The following IGF2BP2 variants were observed in gnomAD, a reference collection of about 807,000 sequenced individuals.
IGF2BP2 encodes insulin like growth factor 2 mRNA binding protein 2, also known as insulin-like growth factor 2 mRNA-binding protein 2.
A neutral mutation model predicts 75.8 loss-of-function variants in IGF2BP2; 17 were observed. The observed-to-expected ratio is 0.22, with a 90% confidence interval of 0.15 to 0.34. IGF2BP2 has a LOEUF of 0.34. Ranked by LOEUF, IGF2BP2 falls within the 10% of genes least tolerant of loss-of-function variation. The probability of loss-of-function intolerance (pLI) is 1.00; values close to 1 mark genes in which losing one functional copy is unlikely to be tolerated. For missense variants in IGF2BP2, 516 were observed against 772.4 expected, an observed-to-expected ratio of 0.67 and a Z score of 3.93; for synonymous variants, 288 against 295.6, an observed-to-expected ratio of 0.97 and a Z score of 0.26.
intron 10 of IGF2BP2, among the ~76,000 whole-genome samples, chr3:185,659,657 T>G (rs1424703308): frequency 6.6e-6 from 1 of 151,920 alleles, no homozygotes; most frequent in Non-Finnish European, 1.5e-5. Context: ...ATTATAAGTG[T>G]GAGCCACTGC....
At chr3:185,799,194 G>C (rs1026683459) in intron 2 of IGF2BP2, among the ~76,000 whole-genome samples, 2 of 151,700 alleles carry the variant, frequency 1.3e-5, no homozygotes, top group Non-Finnish European at 2.9e-5. Context: ...GAGCCCAGGA[G>C]TATGAGACCA....
In IGF2BP2 at chr3:185,645,460, G is replaced by A. The variant is rs753664690; in HGVS notation, c.*71C>T. 11 of 1,091,896 alleles carry A rather than the reference G, an allele frequency of 1.0e-5. No homozygotes were observed. Among genetic ancestry groups the A allele is most frequent in the African/African-American group, 4.6e-5 (3 of 64,806 alleles). 67.6% of individuals were successfully genotyped at this position (1,091,896 alleles called of 1,614,324 possible). On this transcript the variant is annotated 3_prime_UTR_variant, in exon 16 of 16. Transcript: ENST00000382199. This position sits in a 1 kb window ranked among gnomAD's most constrained non-coding sequence, Gnocchi z 4.9. ...GTTTGCTCCCGATCTGGCTGGCTGC[G>A]TTTGGTCTCATTCTGTCAGGTGTTG... is the stretch of plus-strand genomic sequence containing the variant.
intron 2 of IGF2BP2, among the ~76,000 whole-genome samples, chr3:185,786,755 G>T (rs750922009): frequency 2.0e-5 from 3 of 152,068 alleles, no homozygotes; most frequent in Admixed American, 2.0e-4. Context: ...CTTAAGATAC[G>T]TGGAAACCTA....
At chr3:185,762,439 A>G (rs376477441) in intron 2 of IGF2BP2, among the ~76,000 whole-genome samples, 198 of 150,028 alleles carry the variant, frequency 1.3e-3, no homozygotes, top group Non-Finnish European at 2.4e-3. Flanking sequence ...AGGCTGAGGC[A>G]GGAGAATCGC....
In IGF2BP2 at chr3:185,823,162, T is replaced by TTAGAGACTG; in HGVS notation, c.221_229dup (p.Ser76_Lys77insThrValSer). On this transcript the variant is annotated inframe_insertion, in exon 2 of 16. Transcript: ENST00000382199. ...AGCAAAGTATATTTACCTTAGCTTT[T>TTAGAGACTG]TAGAGACTGAGTAATCAACTTCCAT... 6.2e-7 allele frequency: 1 copy of TTAGAGACTG among 1,605,672 alleles called. No homozygotes were observed. Among genetic ancestry groups the TTAGAGACTG allele is most frequent in the Non-Finnish European group, 8.5e-7 (1 of 1,176,132 alleles).
intron 2 of IGF2BP2, among the ~76,000 whole-genome samples, chr3:185,743,845 C>T (rs1271497844): frequency 6.6e-6 from 1 of 152,176 alleles, no homozygotes; most frequent in Non-Finnish European, 1.5e-5. Flanking sequence ...CCTCCTTCCA[C>T]CACACGCAAC....
chr3:185,788,767 C>T (rs961638174), intron 2 of IGF2BP2, among the ~76,000 whole-genome samples: 8 of 136,972 alleles, frequency 5.8e-5, no homozygotes, highest in East Asian at 2.2e-4. Context: ...CAGGCTGGAG[C>T]GCAGTGGCGC....
chr3:185,665,302 GAGA>G (rs1350937060), intron 10 of IGF2BP2, among the ~76,000 whole-genome samples: 1 of 119,792 alleles, frequency 8.3e-6, no homozygotes, highest in African/African-American at 3.2e-5. Flanking sequence ...GGAGGAGAAG[GAGA>G]AGGAGCAGAA....
chr3:185,721,997 G>A (rs981632472), intron 2 of IGF2BP2: 2 of 264,698 alleles, frequency 7.6e-6, no homozygotes, highest in Admixed American at 1.0e-4. Flanking sequence ...ACTTTCAGGT[G>A]GCAAGTACTT....
At chr3:185,721,497 G>C (rs1726539639) in intron 2 of IGF2BP2, among the ~76,000 whole-genome samples, 1 of 151,964 alleles carries the variant, frequency 6.6e-6, no homozygotes, top group Non-Finnish European at 1.5e-5. Flanking sequence ...CACTGCACCA[G>C]GCCCACTCTT....
Position 185,671,546 on chromosome 3 carries a change from A to AG in IGF2BP2, c.1200+994_1200+995insC, listed in dbSNP as rs1384049971. Among the ~76,000 whole-genome samples the AG allele has an allele frequency of 4.0e-5, 6 of 151,884 alleles. No individual in the cohort carries two copies. In the South Asian group the frequency reaches 6.3e-4, roughly 16 times the overall value. The stretch of plus-strand genomic sequence containing the variant: ...GCAAGACTCCATCTCAAAAAAAAAA[A>AG]AAAAAGAAAAAGAAAAAGAAAAGAT... On this transcript the variant is annotated intron_variant, in intron 10 of 15. Coordinates refer to ENST00000382199, the MANE Select transcript of IGF2BP2 (RefSeq NM_006548.6).
intron 7 of IGF2BP2, among the ~76,000 whole-genome samples, chr3:185,684,158 A>G (rs1218535289): frequency 6.6e-6 from 1 of 152,210 alleles, no homozygotes; most frequent in African/African-American, 2.4e-5. Flanking sequence ...TTCCTGGCAC[A>G]TAGAATAGTG....
At chr3:185,676,730 A>ATT in intron 7 of IGF2BP2, among the ~76,000 whole-genome samples, 1 of 137,524 alleles carries the variant, frequency 7.3e-6, no homozygotes, top group African/African-American at 2.7e-5. Context: ...ATATATGGAG[A>ATT]TGTATATATA....
intron 10 of IGF2BP2, among the ~76,000 whole-genome samples, chr3:185,666,525 G>A (rs933088470): frequency 6.6e-6 from 1 of 152,080 alleles, no homozygotes; most frequent in African/African-American, 2.4e-5. Context: ...TCCCAGCTGG[G>A]AGGCTGAGGC....
At chr3:185,742,653 T>C (rs936091400) in intron 2 of IGF2BP2, among the ~76,000 whole-genome samples, 3 of 151,640 alleles carry the variant, frequency 2.0e-5, no homozygotes, top group African/African-American at 7.3e-5. Flanking sequence ...TGAGATCTCA[T>C]CTCAAAAAAA....
At chr3:185,717,826 TG>T (rs1283836786) in intron 2 of IGF2BP2, 1 of 152,002 alleles carries the variant, frequency 6.6e-6, no homozygotes, top group East Asian at 1.9e-4. Context: ...GTCCACCAGG[TG>T]GGAAGTAGGT....
chr3:185,706,229 A>G (rs553768448), intron 2 of IGF2BP2, among the ~76,000 whole-genome samples: 2 of 152,276 alleles, frequency 1.3e-5, no homozygotes, highest in East Asian at 1.9e-4. Context: ...GGATAATTCC[A>G]TAATACTATT....
chr3:185,685,339 C>CAA (rs767533572), intron 7 of IGF2BP2, among the ~76,000 whole-genome samples: 1 of 127,450 alleles, frequency 7.8e-6, no homozygotes, highest in South Asian at 2.5e-4. Flanking sequence ...AACTCCGTCT[C>CAA]AAAAAAAAAA....
At chr3:185,767,397 C>T (rs190512404) in intron 2 of IGF2BP2, among the ~76,000 whole-genome samples, 10 of 152,312 alleles carry the variant, frequency 6.6e-5, no homozygotes, top group Admixed American at 3.9e-4. Context: ...TCATTACTAT[C>T]TTCTAAAATC....
Sources: allele counts gnomAD v4.1 joint callset (sites outside exome capture counted in the v4.1 genomes callset), GRCh38; gene constraint gnomAD v4.1.1; non-coding constraint Gnocchi (gnomAD v3.1); transcripts MANE v1.5; gene names NCBI Gene and HGNC (gene_info 2026-07-23, HGNC 2026-07-21).